STRIP1: variants seen among roughly 807,000 people sequenced by gnomAD.
STRIP1 encodes striatin-interacting protein 1.
A neutral mutation model predicts 106.2 loss-of-function variants in STRIP1; 63 were observed. The observed-to-expected ratio is 0.59, with a 90% CI of 0.48 to 0.73. STRIP1 has a LOEUF of 0.73. Among genes scored for constraint, STRIP1 ranks in the 30% least tolerant of loss-of-function variants. The pLI, the probability that STRIP1 is intolerant of heterozygous loss-of-function variation, is 0.00. For missense variants in STRIP1, 857 were observed against 1,074.8 expected, an observed-to-expected ratio of 0.80 and a Z score of 2.83; for synonymous variants, 390 against 413.0, an observed-to-expected ratio of 0.94 and a Z score of 0.67.
chr1:110,045,959 G>T (rs1010061972), intron 12 of STRIP1, among the ~76,000 whole-genome samples: 2 of 152,176 alleles, frequency 1.3e-5, no homozygotes, highest in African/African-American at 2.4e-5. Context: ...ATTAAGAGTG[G>T]GGAAGAGGCA....
chr1:110,038,071 AATATATATATATAT>A (rs3085770), intron 2 of STRIP1, 111 bp downstream of exon 2: 525 of 130,336 alleles, frequency 4.0e-3, no homozygotes, highest in African/African-American at 8.7e-3. Flanking sequence ...AGTTCTATCA[AATATATATATATAT>A]ATATATATAT....
chr1:110,039,352 C>T (rs781628642), intron 4 of STRIP1, 43 bp from the exon 5 acceptor site: 1 of 1,613,956 alleles, frequency 6.2e-7, no homozygotes, highest in South Asian at 1.1e-5. Flanking sequence ...TCTGCCCACT[C>T]AGATGCAGGG....
intron 18 of STRIP1, 132 bp from the exon 19 acceptor site, chr1:110,050,824 G>T (rs1359320700): frequency 2.8e-5 from 18 of 652,552 alleles, no homozygotes; most frequent in Middle Eastern, 3.6e-4. Context: ...TCCTGGGGCT[G>T]CTCTGAGAGC....
At chr1:110,048,781 C>T (rs1482287464) in intron 15 of STRIP1, among the ~76,000 whole-genome samples, 1 of 152,120 alleles carries the variant, frequency 6.6e-6, no homozygotes, top group African/African-American at 2.4e-5. Flanking sequence ...CCTGGTATTC[C>T]ACAGAACACA....
Position 110,038,744 on chromosome 1 carries a change from C to T in STRIP1, c.312C>T (p.Asp104=). 3 of 1,613,962 alleles carry T rather than the reference C, an allele frequency of 1.9e-6. No individual in the cohort carries two copies. The highest frequency in any genetic ancestry group is 2.5e-6 in the Non-Finnish European group (3 of 1,179,836). Residue 104 remains aspartate, a synonymous_variant, in exon 3 of 21, where the codon GAC becomes GAT. Coordinates refer to ENST00000369795, the MANE Select transcript of STRIP1 (RefSeq NM_033088.4). Reference sequence around the variant, plus strand: ...TGAATCGAAAATGCTTTGAGGAGGACTTCCGGATCCATGGTGAGATGATTT... The same window carrying T: ...TGAATCGAAAATGCTTTGAGGAGGATTTCCGGATCCATGGTGAGATGATTT... ...FLMNRKCFEE[D]FRIHVTDKKW... is the part of the protein sequence containing the mutation.
chr1:110,049,621 GT>G, intron 17 of STRIP1, 61 bp downstream of exon 17: 1 of 1,236,592 alleles, frequency 8.1e-7, no homozygotes, highest in Non-Finnish European at 1.2e-6. Context: ...TTCCCAGCTG[GT>G]ATTTCCCACT....
chr1:110,052,397 A>G (rs1653340130), intron 20 of STRIP1, among the ~76,000 whole-genome samples: 2 of 152,176 alleles, frequency 1.3e-5, no homozygotes, highest in South Asian at 4.1e-4. Flanking sequence ...GAGTAGCTGG[A>G]ACCACAGGCA....
chr1:110,046,633 C>A (rs1468672522), intron 12 of STRIP1, 47 bp from the exon 13 acceptor site: 2 of 1,566,110 alleles, frequency 1.3e-6, no homozygotes, highest in Non-Finnish European at 1.8e-6. Context: ...GGGAGTTTGG[C>A]CAGAGAATGT....
At chr1:110,049,701 A>G (rs1653202510) in intron 17 of STRIP1, 141 bp downstream of exon 17, 2 of 625,786 alleles carry the variant, frequency 3.2e-6, no homozygotes, top group South Asian at 1.9e-5. Context: ...TAAATGAGAC[A>G]TGGCCTCTGC....
chr1:110,042,953 A>T (rs555973536), intron 8 of STRIP1, 135 bp from the exon 9 acceptor site: 2 of 776,614 alleles, frequency 2.6e-6, no homozygotes, highest in East Asian at 2.7e-5. Context: ...GCTTCAGTCC[A>T]TTGTTCAGGA....
rs747371053 is a variant in STRIP1 at position 110,041,822 on chromosome 1, C to T, written c.846C>T (p.Pro282=). ...KFCSGHAPHF[P]MKKVLLLLWK... ...GCAGTGGTCACGCCCCTCACTTTCC[C>T]ATGAAGAAAGTTCTCTTGCTGCTCT... Residue 282 remains proline (P), a synonymous_variant, in exon 8 of 21, where the codon CCC becomes CCT. Transcript: ENST00000369795. 7 of 1,614,146 alleles carry T rather than the reference C, an allele frequency of 4.3e-6. No individual in the cohort carries two copies. Among genetic ancestry groups the T allele is most frequent in the Middle Eastern group, 3.3e-4 (2 of 6,062 alleles).
chr1:110,054,313 G>A lies in STRIP1; in HGVS notation c.*401G>A, dbSNP rs1653440041. ...ATCCTTGCTTTGTCAGCTTGCAAAG[G>A]AGGAGAGTTTAGGATTAGGGCCAGG... On this transcript the variant is annotated 3_prime_UTR_variant, in exon 21 of 21. Transcript: ENST00000369795. 4 of 192,904 alleles carry A rather than the reference G, an allele frequency of 2.1e-5. 1 individual carries two copies. In the South Asian group the frequency reaches 3.8e-4, roughly 18 times the overall value. The allele number at this position is 192,904 out of a possible 1,614,324, so 11.9% of individuals were successfully genotyped here. A position where few individuals can be genotyped will look rare whatever the true frequency, so the allele number is the denominator to read the frequency against.
At chr1:110,045,183 C>T (rs762799864) in intron 12 of STRIP1, 105 bp downstream of exon 12, 11 of 1,033,136 alleles carry the variant, frequency 1.1e-5, no homozygotes, top group Non-Finnish European at 1.6e-5. Flanking sequence ...CCTGCAAGAA[C>T]CTGGGGTAGA....
chr1:110,037,930 G>A lies in STRIP1; in HGVS notation c.220G>A (p.Asp74Asn). The A allele has an allele frequency of 6.2e-7, 1 of 1,613,092 alleles. No individual in the cohort carries two copies. The change falls in exon 2 of 21, where the codon GAC becomes AAC. Residue 74 changes from aspartate (D) to asparagine (N), a missense_variant. Coordinates refer to ENST00000369795, the MANE Select transcript of STRIP1 (RefSeq NM_033088.4). ...ACCAGACCTGGAGTTTGAGTATGCTGACACAGACAAGTGGGCTGCAGAGCT... is the reference window on the plus strand; with the variant it reads ...ACCAGACCTGGAGTTTGAGTATGCTAACACAGACAAGTGGGCTGCAGAGCT... ...ESPDLEFEYA[D>N]TDKWAAELSE...
intron 8 of STRIP1, among the ~76,000 whole-genome samples, chr1:110,042,711 T>A (rs1652820141): frequency 6.6e-6 from 1 of 152,220 alleles, no homozygotes. Flanking sequence ...ACCAACAGTA[T>A]TTCTAATTTG....
upstream of STRIP1, among the ~76,000 whole-genome samples, chr1:110,032,454 GGA>G (rs1161141717): frequency 1.3e-5 from 2 of 152,102 alleles, no homozygotes; most frequent in African/African-American, 4.8e-5. Flanking sequence ...AGACAAAGAT[GGA>G]TAAAATGCCT....
At chr1:110,038,344 T>C (rs923231260) in intron 2 of STRIP1, 2 of 243,550 alleles carry the variant, frequency 8.2e-6, no homozygotes, top group Non-Finnish European at 1.6e-5. Flanking sequence ...GAGGTCGGTG[T>C]GAGCTGCTTC....
chr1:110,051,133 C>T, intron 19 of STRIP1, 73 bp downstream of exon 19: 1 of 979,916 alleles, frequency 1.0e-6, no homozygotes, highest in South Asian at 1.3e-5. Flanking sequence ...AGGGAGTCCC[C>T]AGGGTGGGGC....
chr1:110,052,215 T>A (rs141055822), intron 20 of STRIP1, among the ~76,000 whole-genome samples: 89 of 152,340 alleles, frequency 5.8e-4, no homozygotes, highest in African/African-American at 1.8e-3. Context: ...CTGACTTCCC[T>A]GCCTCTAATT....
Sources: allele counts gnomAD v4.1 joint callset (sites outside exome capture counted in the v4.1 genomes callset), GRCh38; gene constraint gnomAD v4.1.1; transcripts MANE v1.5; gene names NCBI Gene and HGNC (gene_info 2026-07-23, HGNC 2026-07-21).